The following ESRRA variants were observed in gnomAD, a reference collection of about 807,000 sequenced individuals.
The protein encoded by ESRRA is steroid hormone receptor ERR1.
Under a neutral mutation model 35.6 loss-of-function variants are expected in ESRRA, and 7 were observed. The ratio of observed to expected loss-of-function variants is 0.20; its 90% CI spans 0.11 to 0.37. The LOEUF (loss-of-function observed/expected upper bound fraction) is 0.37. Ranked by LOEUF, ESRRA falls within the 10% of genes least tolerant of loss-of-function variation. The probability of loss-of-function intolerance (pLI) is 1.00; values close to 1 mark genes in which losing one functional copy is unlikely to be tolerated. For missense variants in ESRRA, 378 were observed against 561.7 expected (o/e 0.67, Z 3.31); for synonymous variants, 223 against 246.9 (o/e 0.90, Z 0.91).
Position 64,307,297 on chromosome 11 carries a change from G to C in ESRRA, c.118G>C (p.Gly40Arg). Residue 40 changes from glycine to arginine, a missense_variant, in exon 2 of 7, where the codon GGT becomes CGT. Physicochemically the swap from Gly to Arg is moderately radical, Grantham distance 125 (BLOSUM62 -2). Transcript: ENST00000000442. ...ETEPPVALAPGPAPTRCLPGH... is the reference protein window; with the variant it reads ...ETEPPVALAPRPAPTRCLPGH... ...CGAGCCTCCTGTGGCCCTGGCCCCT[G>C]GTCCAGCTCCCACTCGCTGCCTCCC... is the stretch of plus-strand genomic sequence containing the variant. 1 of 1,613,374 alleles carries C rather than the reference G, an allele frequency of 6.2e-7. No homozygotes were observed. The highest frequency in any genetic ancestry group is 2.2e-5 in the East Asian group (1 of 44,886).
chr11:64,314,126 G>C, intron 3 of ESRRA, 59 bp downstream of exon 3: 1 of 1,551,460 alleles, frequency 6.4e-7, no homozygotes, highest in South Asian at 1.2e-5. Context: ...GGGCCAGGTG[G>C]GGGTGAGGCC....
At position 64,305,894 on chromosome 11, in the gene ESRRA, G is replaced by A. The variant is rs2135245693; in HGVS notation, c.-13+158G>A. Among the ~76,000 whole-genome samples, 1 of 152,176 alleles carries A rather than the reference G, an allele frequency of 6.6e-6. No homozygotes were observed. Among genetic ancestry groups the A allele is most frequent in the Non-Finnish European group, 1.5e-5 (1 of 67,946 alleles). ...TTGGGACCCAGTCGAGGGTCGGACT[G>A]GTCAGGGTTCAGGCGGGATCCGGCG... On this transcript the variant is annotated intron_variant, in intron 1 of 6. Transcript: ENST00000000442. The surrounding 1 kb of genome is among the most constrained non-coding windows in gnomAD (Gnocchi z 5.8).
chr11:64,314,131 G>A lies in ESRRA; in HGVS notation c.442+64G>A, dbSNP rs2276013. 78 of 1,549,076 alleles carry A rather than the reference G, an allele frequency of 5.0e-5. No individual in the cohort carries two copies. In the East Asian group the frequency reaches 1.8e-3, roughly 35 times the overall value. ...TCGGGGACCCGGGCCAGGTGGGGGT[G>A]AGGCCTGGGAGTTCTGGTGAGTGGA... is the stretch of plus-strand genomic sequence containing the variant. On this transcript the variant is annotated intron_variant, in intron 3 of 6. Coordinates refer to ENST00000000442, the MANE Select transcript of ESRRA (RefSeq NM_004451.5).
chr11:64,307,099 C>T (rs988733818), intron 1 of ESRRA, 69 bp from the exon 2 acceptor site: 37 of 1,364,450 alleles, frequency 2.7e-5, no homozygotes, highest in Non-Finnish European at 3.4e-5. Flanking sequence ...TTGGGCAACC[C>T]GTGTGGCAGG....
At chr11:64,312,419 C>T (rs1210404021) in intron 2 of ESRRA, among the ~76,000 whole-genome samples, 33 of 152,206 alleles carry the variant, frequency 2.2e-4, no homozygotes, top group African/African-American at 7.5e-4. Flanking sequence ...GGATTACAGG[C>T]GTGAGCCACC....
intron 2 of ESRRA, among the ~76,000 whole-genome samples, chr11:64,309,231 G>A (rs534313374): frequency 2.0e-5 from 3 of 152,056 alleles, no homozygotes; most frequent in East Asian, 1.9e-4. Flanking sequence ...TCAGGAGTTC[G>A]AGACCAGCCT....
At chr11:64,311,758 T>C (rs1252253684) in intron 2 of ESRRA, among the ~76,000 whole-genome samples, 1 of 150,952 alleles carries the variant, frequency 6.6e-6, no homozygotes, top group Non-Finnish European at 1.5e-5. Context: ...AGTGGCACGA[T>C]CTCAGCTTAC....
At chr11:64,309,634 TAA>T (rs575246508) in intron 2 of ESRRA, among the ~76,000 whole-genome samples, 84 of 124,498 alleles carry the variant, frequency 6.7e-4, no homozygotes, top group Admixed American at 2.4e-3. Context: ...CACGTATAAT[TAA>T]AAAAAAAAAA....
At chr11:64,312,655 G>A (rs1030623004) in intron 2 of ESRRA, among the ~76,000 whole-genome samples, 2 of 152,210 alleles carry the variant, frequency 1.3e-5, no homozygotes, top group African/African-American at 4.8e-5. Flanking sequence ...TGAAGGGGGA[G>A]GCGTAATAAA....
Position 64,316,651 on chromosome 11 carries a change from G to C in ESRRA, c.*685G>C. 1 of 570,776 alleles carries C rather than the reference G, an allele frequency of 1.8e-6. No homozygotes were observed. The highest frequency in any genetic ancestry group is 2.1e-5 in the South Asian group (1 of 47,030). 35.4% of individuals were successfully genotyped at this position (570,776 alleles called of 1,614,324 possible). On this transcript the variant is annotated 3_prime_UTR_variant, in exon 7 of 7. Coordinates refer to ENST00000000442, the MANE Select transcript of ESRRA (RefSeq NM_004451.5). ...GGCCCAGAGCCCTTGGCTGTACAGA[G>C]ACTCTATTTTAATGTATATTTGCTG...
chr11:64,311,982 C>CTTTT lies in ESRRA; in HGVS notation c.326-1959_326-1956dup, dbSNP rs544336819. 5.8e-5 allele frequency among the ~76,000 whole-genome samples: 4 copies of CTTTT among 68,394 alleles called. 1 individual carries two copies. Among genetic ancestry groups the CTTTT allele is most frequent in the Non-Finnish European group, 1.1e-4 (4 of 36,386 alleles). 44.9% of individuals were successfully genotyped at this position (68,394 alleles called of 152,430 possible). A position where few individuals can be genotyped will look rare whatever the true frequency, so the allele number is the denominator to read the frequency against. ...ATAGGCGTGAGCCACTGCGCCTGGCCTTTTTTTTTTTTTGGTACAGAGTTT... is the reference window on the plus strand; with the variant it reads ...ATAGGCGTGAGCCACTGCGCCTGGCCTTTTTTTTTTTTTTTTTGGTACAGAGTTT... On this transcript the variant is annotated intron_variant, in intron 2 of 6. Coordinates refer to ENST00000000442, the MANE Select transcript of ESRRA (RefSeq NM_004451.5).
Position 64,316,014 on chromosome 11 carries a change from G to A in ESRRA, c.*48G>A, listed in dbSNP as rs1343164278. On this transcript the variant is annotated 3_prime_UTR_variant, in exon 7 of 7. Coordinates refer to ENST00000000442, the MANE Select transcript of ESRRA (RefSeq NM_004451.5). Reference sequence around the variant, plus strand: ...GGTTCTGGCAGGACCTGCCTAGCATGGGGTCAGCCCCAAGGGCTGGGGCGG... The same window carrying A: ...GGTTCTGGCAGGACCTGCCTAGCATAGGGTCAGCCCCAAGGGCTGGGGCGG... 2.0e-5 allele frequency: 30 copies of A among 1,531,540 alleles called. No homozygotes were observed. In the South Asian group the frequency reaches 3.7e-4, roughly 19 times the overall value. The allele number at this position is 1,531,540 out of a possible 1,614,324, so 94.9% of individuals were successfully genotyped here. A position where few individuals can be genotyped will look rare whatever the true frequency, so the allele number is the denominator to read the frequency against.
At chr11:64,309,073 T>C (rs1198374845) in intron 2 of ESRRA, among the ~76,000 whole-genome samples, 1 of 144,558 alleles carries the variant, frequency 6.9e-6, no homozygotes, top group Admixed American at 6.9e-5. Flanking sequence ...ATCGCGCCAT[T>C]GCACTCTAGC....
intron 2 of ESRRA, among the ~76,000 whole-genome samples, chr11:64,308,925 A>C (rs1363009214): frequency 6.7e-6 from 1 of 149,796 alleles, no homozygotes; most frequent in Non-Finnish European, 1.5e-5. Context: ...GACCAGCCTG[A>C]CCAATGTGAT....
chr11:64,316,488 T>G lies in ESRRA; in HGVS notation c.*522T>G. 4.6e-6 allele frequency: 1 copy of G among 219,754 alleles called. No individual in the cohort carries two copies. The highest frequency in any genetic ancestry group is 9.3e-6 in the Non-Finnish European group (1 of 107,712). The allele number at this position is 219,754 out of a possible 1,614,324, so 13.6% of individuals were successfully genotyped here. A position where few individuals can be genotyped will look rare whatever the true frequency, so the allele number is the denominator to read the frequency against. On this transcript the variant is annotated 3_prime_UTR_variant, in exon 7 of 7. Transcript: ENST00000000442. ...GACTCCAGCCCCTGGACCCCTGGGG[T>G]GGCCAGGGCTTCCCCATCAGCTCCC...
chr11:64,314,418 G>C, intron 4 of ESRRA, 51 bp downstream of exon 4: 3 of 1,485,178 alleles, frequency 2.0e-6, no homozygotes, highest in South Asian at 2.6e-5. Context: ...CCTATGTGTG[G>C]CATCATAGTT....
At chr11:64,314,679 G>A in intron 4 of ESRRA, 62 bp from the exon 5 acceptor site, 1 of 1,520,352 alleles carries the variant, frequency 6.6e-7, no homozygotes, top group Non-Finnish European at 8.9e-7. Context: ...GTGGGAAGAT[G>A]CTTGACCCCT....
chr11:64,308,985 T>G (rs1236918647), intron 2 of ESRRA, among the ~76,000 whole-genome samples: 2 of 150,588 alleles, frequency 1.3e-5, no homozygotes, highest in East Asian at 1.9e-4. Context: ...CATGGTGGCA[T>G]GCGCCTGTCA....
Position 64,308,968 on chromosome 11 carries a change from A to C in ESRRA, c.325+1464A>C, listed in dbSNP as rs545656166. 3.5e-4 allele frequency among the ~76,000 whole-genome samples: 53 copies of C among 151,806 alleles called. 1 individual carries two copies. The South Asian group carries it at 0.01, about 30-fold the overall frequency. On this transcript the variant is annotated intron_variant, in intron 2 of 6. Coordinates refer to ENST00000000442, the MANE Select transcript of ESRRA (RefSeq NM_004451.5). ...CGTCTCTACTGAAAATACAAAAATT[A>C]GCCAAGCATGGTGGCATGCGCCTGT...
Sources: allele counts gnomAD v4.1 joint callset (sites outside exome capture counted in the v4.1 genomes callset), GRCh38; gene constraint gnomAD v4.1.1; non-coding constraint Gnocchi (gnomAD v3.1); transcripts MANE v1.5; gene names NCBI Gene and HGNC (gene_info 2026-07-23, HGNC 2026-07-21).